The following COG3 variants were observed in gnomAD, a reference collection of about 807,000 sequenced individuals.
The protein encoded by COG3 is component of oligomeric golgi complex 3, also known as conserved oligomeric Golgi complex subunit 3.
A neutral mutation model predicts 114.1 loss-of-function variants in COG3; 32 were observed. That is an observed-to-expected ratio of 0.28 (90% CI 0.21 to 0.38). The LOEUF (loss-of-function observed/expected upper bound fraction) is 0.38. Ranked by LOEUF, COG3 falls within the 10% of genes least tolerant of loss-of-function variation. COG3 has a pLI of 1.00. For synonymous variants in COG3, 352 were observed against 365.7 expected (o/e 0.96, Z 0.43); for missense variants, 813 against 973.2 (o/e 0.84, Z 2.19).
chr13:45,508,866 T>C lies in COG3; in HGVS notation c.1595-826T>C, dbSNP rs374706725. Reference sequence around the variant, plus strand: ...GAAGCCCGCTCTGGTCACCTGGGAATTGGATGTACTAACTAGGCCTGTATG... The same window carrying C: ...GAAGCCCGCTCTGGTCACCTGGGAACTGGATGTACTAACTAGGCCTGTATG... On this transcript the variant is annotated intron_variant, in intron 14 of 22. Transcript: ENST00000349995. Among the ~76,000 whole-genome samples, 30 of 152,296 alleles carry C rather than the reference T, an allele frequency of 2.0e-4. No homozygotes were observed. The East Asian group carries it at 2.5e-3, about 13-fold the overall frequency.
At chr13:45,491,914 T>A (rs937565482) in intron 10 of COG3, among the ~76,000 whole-genome samples, 1 of 152,214 alleles carries the variant, frequency 6.6e-6, no homozygotes, top group African/African-American at 2.4e-5. Context: ...GAAATGCTTT[T>A]GAACTAGAAA....
At chr13:45,479,271 A>G (rs1232256631) in intron 3 of COG3, among the ~76,000 whole-genome samples, 2 of 152,242 alleles carry the variant, frequency 1.3e-5, no homozygotes, top group African/African-American at 4.8e-5. Context: ...AAAGAATTAC[A>G]TTATAATTAA....
chr13:45,509,623 C>T, intron 14 of COG3, 69 bp from the exon 15 acceptor site: 1 of 1,582,420 alleles, frequency 6.3e-7, no homozygotes, highest in Non-Finnish European at 8.6e-7. Context: ...TTTATAGTTG[C>T]CATGTAAATT....
At chr13:45,501,132 A>C (rs778725533) in intron 13 of COG3, among the ~76,000 whole-genome samples, 6 of 152,234 alleles carry the variant, frequency 3.9e-5, no homozygotes, top group Non-Finnish European at 8.8e-5. Context: ...ACCACCGTGC[A>C]GTTACTCCTC....
At chr13:45,470,799 G>GT (rs757232955) in intron 1 of COG3, among the ~76,000 whole-genome samples, 9 of 152,300 alleles carry the variant, frequency 5.9e-5, no homozygotes, top group South Asian at 4.1e-4. Flanking sequence ...TGTATTTTCA[G>GT]TTTTTTTAGT....
intron 14 of COG3, among the ~76,000 whole-genome samples, chr13:45,509,488 A>G (rs555868614): frequency 3.3e-5 from 5 of 152,344 alleles, no homozygotes; most frequent in South Asian, 2.1e-4. Context: ...ATTCATGTGT[A>G]TTCTCAGTTA....
chr13:45,500,851 C>T (rs1378689824), intron 13 of COG3, among the ~76,000 whole-genome samples: 1 of 152,110 alleles, frequency 6.6e-6, no homozygotes, highest in African/African-American at 2.4e-5. Context: ...GTTTTTCAGA[C>T]TTTTCTTGTT....
At chr13:45,525,634 G>GTTTTTTTGT (rs71184421) in intron 20 of COG3, among the ~76,000 whole-genome samples, 4 of 56,634 alleles carry the variant, frequency 7.1e-5, no homozygotes, top group African/African-American at 3.1e-4. Flanking sequence ...AGGGCTTTGG[G>GTTTTTTTGT]TTTTTTTTTT....
At position 45,535,457 on chromosome 13, in the gene COG3, A is replaced by G. The variant is rs1403444647; in HGVS notation, c.*726A>G. The stretch of plus-strand genomic sequence containing the variant: ...TGCAGTATCTTTAATGAGTATCTTC[A>G]TGGTATGATAGTGTGTGTTTGTGAG... On this transcript the variant is annotated 3_prime_UTR_variant, in exon 23 of 23. Coordinates refer to ENST00000349995, the MANE Select transcript of COG3 (RefSeq NM_031431.4). The G allele has an allele frequency of 3.0e-6, 3 of 985,342 alleles. No individual in the cohort carries two copies. Among genetic ancestry groups the G allele is most frequent in the Non-Finnish European group, 2.4e-6 (2 of 829,966 alleles). The allele number at this position is 985,342 out of a possible 1,614,324, so 61.0% of individuals were successfully genotyped here.
At chr13:45,465,875 C>G (rs970553577) in intron 1 of COG3, 2 of 152,196 alleles carry the variant, frequency 1.3e-5, no homozygotes, top group South Asian at 4.1e-4. Flanking sequence ...TGTGTTTAAT[C>G]CACTTACCAT....
chr13:45,514,157 C>CTCTT (rs763122001), intron 16 of COG3, among the ~76,000 whole-genome samples: 2 of 93,858 alleles, frequency 2.1e-5, no homozygotes, highest in South Asian at 4.0e-4. Flanking sequence ...TGTCCTCTCT[C>CTCTT]TTTTTTTTTT....
intron 1 of COG3, among the ~76,000 whole-genome samples, chr13:45,467,351 G>A (rs1885204352): frequency 1.3e-5 from 2 of 152,220 alleles, no homozygotes; most frequent in Non-Finnish European, 2.9e-5. Context: ...CAGCACTTTG[G>A]GAGGCTAAGG....
rs1414829574 is a variant in COG3 at position 45,519,095 on chromosome 13, G to GTA, written c.2154+4_2154+5dup. ...ACAGCTGGAGGAGTTCATGACAAAG[G>GTA]TATAGACCTTGGTGCCTATGTGGTA... On this transcript the variant is annotated splice_donor_variant, in intron 19 of 22. Transcript: ENST00000349995. LOFTEE classifies it high-confidence loss of function. The GTA allele has an allele frequency of 1.2e-6, 2 of 1,613,562 alleles. No individual in the cohort carries two copies. Among genetic ancestry groups the GTA allele is most frequent in the South Asian group, 2.2e-5 (2 of 90,904 alleles).
chr13:45,486,606 T>C, intron 8 of COG3, 31 bp downstream of exon 8: 2 of 1,358,636 alleles, frequency 1.5e-6, no homozygotes, highest in Non-Finnish European at 2.1e-6. Context: ...AGGACATTGC[T>C]ATGAAATTTG....
intron 15 of COG3, 81 bp from the exon 16 acceptor site, chr13:45,511,684 T>C (rs1870882167): frequency 9.9e-7 from 1 of 1,006,826 alleles, no homozygotes; most frequent in African/African-American, 1.6e-5. Flanking sequence ...GGCATTGTTA[T>C]TTGCACTTAC....
At chr13:45,505,076 A>G (rs1869975716) in intron 14 of COG3, among the ~76,000 whole-genome samples, 1 of 151,710 alleles carries the variant, frequency 6.6e-6, no homozygotes, top group Admixed American at 6.6e-5. Flanking sequence ...AATCCCAGCT[A>G]TTCGGGAAGC....
chr13:45,494,429 A>C (rs141618686), intron 12 of COG3, among the ~76,000 whole-genome samples: 1 of 151,882 alleles, frequency 6.6e-6, no homozygotes, highest in Admixed American at 6.6e-5. Flanking sequence ...TACTCTTCCA[A>C]AGTTACTCAA....
At chr13:45,530,243 C>A (rs532580884) in intron 21 of COG3, among the ~76,000 whole-genome samples, 1 of 152,316 alleles carries the variant, frequency 6.6e-6, no homozygotes, top group Admixed American at 6.5e-5. Flanking sequence ...CCCCATTTTA[C>A]TGGTGAGTAG....
At chr13:45,522,491 G>A (rs991633638) in intron 19 of COG3, among the ~76,000 whole-genome samples, 1 of 152,158 alleles carries the variant, frequency 6.6e-6, no homozygotes, top group African/African-American at 2.4e-5. Flanking sequence ...GGAACCTGGA[G>A]TAAGAGAAGC....
Sources: allele counts gnomAD v4.1 joint callset (sites outside exome capture counted in the v4.1 genomes callset), GRCh38; gene constraint gnomAD v4.1.1; transcripts MANE v1.5; gene names NCBI Gene and HGNC (gene_info 2026-07-23, HGNC 2026-07-21).